The following TMEM272 variants were observed in gnomAD, a reference collection of about 807,000 sequenced individuals.
TMEM272 encodes the protein long intergenic non-protein coding RNA 282.
TMEM272 carries 8 observed loss-of-function variants against 3.7 expected under a neutral mutation model. That is an observed-to-expected ratio of 2.17 (90% CI 1.27 to 3.91). TMEM272 has a LOEUF of 3.91. TMEM272 is among the 30% of genes most tolerant of loss of function. TMEM272 has a pLI of 0.00. For missense variants in TMEM272, 166 were observed against 91.5 expected, an observed-to-expected ratio of 1.81 and a Z score of -3.32; for synonymous variants, 63 against 39.8, an observed-to-expected ratio of 1.58 and a Z score of -2.20.
At chr13:51,857,394 A>G in the TMEM272 span, among the ~76,000 whole-genome samples, 2 of 152,178 alleles carry the variant, frequency 1.3e-5, no homozygotes, top group South Asian at 4.1e-4. Flanking sequence ...AGAGCATGAA[A>G]AAAGGTAAAA....
the TMEM272 span, among the ~76,000 whole-genome samples, chr13:51,917,953 T>G: frequency 1.1e-3 from 175 of 152,352 alleles, no homozygotes; most frequent in Middle Eastern, 3.4e-3. Context: ...GAGAGATTCA[T>G]CCCAGTGTCC....
the TMEM272 span, among the ~76,000 whole-genome samples, chr13:51,899,981 C>T: frequency 6.6e-6 from 1 of 152,118 alleles, no homozygotes; most frequent in Non-Finnish European, 1.5e-5. Context: ...CTATTACAAA[C>T]CACATACAAA....
intron 3 of TMEM272, among the ~76,000 whole-genome samples, chr13:51,825,291 T>C (rs536148602): frequency 6.6e-6 from 1 of 152,358 alleles, no homozygotes; most frequent in South Asian, 2.1e-4. Context: ...AGCTTTCATG[T>C]CTTACAGATC....
chr13:51,827,012 GGGCAGATGGT>G (rs1956131900), intron 2 of TMEM272, among the ~76,000 whole-genome samples: 1 of 152,202 alleles, frequency 6.6e-6, no homozygotes, highest in Admixed American at 6.5e-5. Context: ...CCTGTACTCA[GGGCAGATGGT>G]TCTTCTCTTC....
the TMEM272 span, among the ~76,000 whole-genome samples, chr13:51,888,648 T>C: frequency 3.6e-4 from 40 of 110,200 alleles, no homozygotes; most frequent in African/African-American, 1.2e-3. Flanking sequence ...TCTTTTTTTT[T>C]TTTTTTTTTT....
At chr13:51,917,375 G>T in the TMEM272 span, among the ~76,000 whole-genome samples, 1 of 152,166 alleles carries the variant, frequency 6.6e-6, no homozygotes, top group Non-Finnish European at 1.5e-5. Context: ...CTCACAGAAG[G>T]AAAGAGGGAG....
At chr13:51,908,313 G>A in the TMEM272 span, 2 of 1,226,368 alleles carry the variant, frequency 1.6e-6, no homozygotes, top group Non-Finnish European at 2.3e-6. Flanking sequence ...GTGGGGGTGG[G>A]GGTGGGGGCA....
At chr13:51,838,941 C>G (rs528312308) in intron 1 of TMEM272, among the ~76,000 whole-genome samples, 1 of 152,270 alleles carries the variant, frequency 6.6e-6, no homozygotes, top group South Asian at 2.1e-4. Context: ...GTTACTGACT[C>G]TGTTTTACAG....
the TMEM272 span, among the ~76,000 whole-genome samples, chr13:51,907,157 C>T: frequency 6.6e-6 from 1 of 152,184 alleles, no homozygotes; most frequent in African/African-American, 2.4e-5. Flanking sequence ...CTTTACGTGG[C>T]CTTGTGGCTT....
At chr13:51,904,219 T>C in the TMEM272 span, among the ~76,000 whole-genome samples, 1 of 152,050 alleles carries the variant, frequency 6.6e-6, no homozygotes, top group African/African-American at 2.4e-5. Context: ...TTAATGATGA[T>C]GATGATGATG....
the TMEM272 span, among the ~76,000 whole-genome samples, chr13:51,924,974 G>A: frequency 6.6e-6 from 1 of 152,304 alleles, no homozygotes. Flanking sequence ...GGACTTCTCA[G>A]AACCTTTGAC....
the TMEM272 span, among the ~76,000 whole-genome samples, chr13:51,895,238 T>C: frequency 4.6e-5 from 7 of 152,294 alleles, no homozygotes; most frequent in South Asian, 1.2e-3. Context: ...TGGGTCAGCC[T>C]GGCTGAGATG....
At chr13:51,845,928 T>A (rs1411811209), upstream of TMEM272, among the ~76,000 whole-genome samples, 1 of 152,250 alleles carries the variant, frequency 6.6e-6, no homozygotes, top group African/African-American at 2.4e-5. Context: ...GTCACATGAC[T>A]TAAAGGCATT....
chr13:51,858,308 G>T, the TMEM272 span, among the ~76,000 whole-genome samples: 7 of 152,126 alleles, frequency 4.6e-5, no homozygotes, highest in Admixed American at 2.0e-4. Context: ...AAGTGGACAT[G>T]GAACATTTAC....
the TMEM272 span, among the ~76,000 whole-genome samples, chr13:51,930,751 C>CAA: frequency 7.7e-6 from 1 of 130,276 alleles, no homozygotes; most frequent in Admixed American, 7.7e-5. Context: ...TTTTTTAGAG[C>CAA]AAAAAAAAAA....
At chr13:51,877,434 G>A in the TMEM272 span, among the ~76,000 whole-genome samples, 2 of 152,102 alleles carry the variant, frequency 1.3e-5, no homozygotes, top group Non-Finnish European at 2.9e-5. Flanking sequence ...TTGAGAGAAT[G>A]GGCCATAATT....
the TMEM272 span, among the ~76,000 whole-genome samples, chr13:51,858,888 C>A: frequency 4.6e-5 from 7 of 152,134 alleles, no homozygotes; most frequent in Admixed American, 4.6e-4. Context: ...CCGCCCCATC[C>A]ACCCGGTGGC....
At chr13:51,827,785 C>T (rs1385647177) in intron 2 of TMEM272, among the ~76,000 whole-genome samples, 1 of 152,186 alleles carries the variant, frequency 6.6e-6, no homozygotes, top group Non-Finnish European at 1.5e-5. Context: ...AGAAGCTGAT[C>T]CCACCCTGGC....
chr13:51,868,823 A>G, the TMEM272 span, among the ~76,000 whole-genome samples: 1 of 152,240 alleles, frequency 6.6e-6, no homozygotes, highest in Non-Finnish European at 1.5e-5. Flanking sequence ...TTCCAAAATC[A>G]TAATGCAGAT....
Sources: allele counts gnomAD v4.1 joint callset (sites outside exome capture counted in the v4.1 genomes callset), GRCh38; gene constraint gnomAD v4.1.1; transcripts MANE v1.5; gene names NCBI Gene and HGNC (gene_info 2026-07-23, HGNC 2026-07-21).